The following FHL5 variants were observed in gnomAD, a reference collection of about 807,000 sequenced individuals.
FHL5 encodes the protein four and a half LIM domains protein 5.
In FHL5, 33 loss-of-function variants were observed where a neutral mutation model predicts 32.0. That is an observed-to-expected ratio of 1.03 (90% confidence interval 0.78 to 1.38). The LOEUF is 1.38. FHL5 is among the 40% of genes most tolerant of loss of function. FHL5 has a pLI of 0.00. For missense variants in FHL5, 336 were observed against 343.9 expected, an observed-to-expected ratio of 0.98 and a Z score of 0.18; for synonymous variants, 114 against 113.6, an observed-to-expected ratio of 1.00 and a Z score of -0.02.
At chr6:96,586,964 C>G (rs1263738432) in intron 1 of FHL5, among the ~76,000 whole-genome samples, 1 of 152,104 alleles carries the variant, frequency 6.6e-6, no homozygotes, top group Non-Finnish European at 1.5e-5. Flanking sequence ...TTTGCCAGTC[C>G]GATCCTGAAG....
rs1262523221 is a variant in FHL5, at chr6:96,616,914, TC to T, written c.*1147del. Among the ~76,000 whole-genome samples, 2 of 123,088 alleles carry T rather than the reference TC, an allele frequency of 1.6e-5. No homozygotes were observed. Among genetic ancestry groups the T allele is most frequent in the South Asian group, 5.1e-4 (2 of 3,898 alleles). 80.8% of individuals were successfully genotyped at this position (123,088 alleles called of 152,430 possible). On this transcript the variant is annotated 3_prime_UTR_variant, in exon 6 of 6. Coordinates refer to ENST00000450218, the MANE Select transcript of FHL5 (RefSeq NM_001322466.2). ...GCTGTAGGCGAGCCCTCCCCACTCTTCCCCCACACCTGTGCCACACCCCCCT... is the reference window on the plus strand; with the variant it reads ...GCTGTAGGCGAGCCCTCCCCACTCTTCCCCACACCTGTGCCACACCCCCCT...
At chr6:96,593,631 T>C (rs1046783016) in intron 1 of FHL5, among the ~76,000 whole-genome samples, 1 of 152,186 alleles carries the variant, frequency 6.6e-6, no homozygotes, top group Non-Finnish European at 1.5e-5. Context: ...GGAAGGTCCA[T>C]TGACCTCAAT....
At chr6:96,601,079 T>C (rs1485565888) in intron 1 of FHL5, among the ~76,000 whole-genome samples, 5 of 152,332 alleles carry the variant, frequency 3.3e-5, no homozygotes, top group African/African-American at 9.6e-5. Flanking sequence ...CTCACGCCTG[T>C]AATCCCAGCA....
chr6:96,615,427 T>C (rs1338117980), intron 5 of FHL5, among the ~76,000 whole-genome samples, 182 bp from the exon 6 acceptor site: 1 of 152,192 alleles, frequency 6.6e-6, no homozygotes, highest in Admixed American at 6.5e-5. Context: ...TAGGTGTAAC[T>C]TTCCTACAGT....
rs1771542973 is a variant in FHL5 at position 96,617,291 on chromosome 6, A to G, written c.*1519A>G. Among the ~76,000 whole-genome samples, 1 of 152,228 alleles carries G rather than the reference A, an allele frequency of 6.6e-6. No homozygotes were observed. Among genetic ancestry groups the G allele is most frequent in the African/African-American group, 2.4e-5 (1 of 41,458 alleles). ...ATAACTGTCTTCTCTCAGATTACACATTATAGCATTAAAGGTTTTGATTAA... is the reference window on the plus strand; with the variant it reads ...ATAACTGTCTTCTCTCAGATTACACGTTATAGCATTAAAGGTTTTGATTAA... On this transcript the variant is annotated 3_prime_UTR_variant, in exon 6 of 6. Coordinates refer to ENST00000450218, the MANE Select transcript of FHL5 (RefSeq NM_001322466.2).
At chr6:96,566,662 T>A (rs924682426) in intron 1 of FHL5, among the ~76,000 whole-genome samples, 2 of 152,068 alleles carry the variant, frequency 1.3e-5, no homozygotes, top group Non-Finnish European at 1.5e-5. Flanking sequence ...TGTCAGCATT[T>A]TTTTTTTGTC....
At chr6:96,597,752 C>A (rs988591040) in intron 1 of FHL5, among the ~76,000 whole-genome samples, 5 of 152,146 alleles carry the variant, frequency 3.3e-5, no homozygotes, top group African/African-American at 1.2e-4. Context: ...TGTCACTGCC[C>A]TTCCCAGTTC....
At chr6:96,603,545 T>C in intron 1 of FHL5, 57 bp from the exon 2 acceptor site, 1 of 1,280,504 alleles carries the variant, frequency 7.8e-7, no homozygotes, top group Non-Finnish European at 1.1e-6. Context: ...GGTTTCATCA[T>C]TTATCCTATA....
intron 1 of FHL5, among the ~76,000 whole-genome samples, chr6:96,567,084 T>C (rs1770374143): frequency 6.6e-6 from 1 of 152,036 alleles, no homozygotes; most frequent in Admixed American, 6.6e-5. Flanking sequence ...CTGAAGTATT[T>C]CCCCTATGTT....
At chr6:96,602,383 G>A (rs796479523) in intron 1 of FHL5, among the ~76,000 whole-genome samples, 36 of 98,148 alleles carry the variant, frequency 3.7e-4, no homozygotes, top group African/African-American at 1.3e-3. Flanking sequence ...AAGAATTCAT[G>A]TTCAATGCCT....
At chr6:96,606,721 G>A (rs780094251) in intron 4 of FHL5, among the ~76,000 whole-genome samples, 1 of 152,104 alleles carries the variant, frequency 6.6e-6, no homozygotes, top group Admixed American at 6.6e-5. Flanking sequence ...GAATACAGAT[G>A]TTTCTTAAAA....
Position 96,615,730 on chromosome 6 carries a change from C to G in FHL5, c.813C>G (p.Ile271Met). The G allele has an allele frequency of 6.2e-7, 1 of 1,611,608 alleles. No homozygotes were observed. The highest frequency in any genetic ancestry group is 1.1e-5 in the South Asian group (1 of 90,506). The change falls in exon 6 of 6, where the codon ATC becomes ATG. Residue 271 changes from isoleucine (I) to methionine (M), a missense_variant. Ile to Met is a conservative substitution (Grantham distance 10). Coordinates refer to ENST00000450218, the MANE Select transcript of FHL5 (RefSeq NM_001322466.2). ...GKGFLTQNKE[I>M]FCQKCGSGMD... ...GCTTCCTGACCCAGAACAAGGAAAT[C>G]TTCTGCCAAAAATGTGGCTCCGGAA...
chr6:96,596,141 A>C (rs985638616), intron 1 of FHL5, among the ~76,000 whole-genome samples: 6 of 152,070 alleles, frequency 3.9e-5, no homozygotes, highest in African/African-American at 1.4e-4. Flanking sequence ...GTATAAGTTC[A>C]GGCTGTAAAT....
At position 96,618,296 on chromosome 6, in the gene FHL5, C is replaced by T. The variant is rs553950673; in HGVS notation, c.*2524C>T. ...AATTCAAAGGTGACATCTGCATGGG[C>T]AGGAAAGAAGTTAAAAGCAAATCCC... On this transcript the variant is annotated 3_prime_UTR_variant, in exon 6 of 6. Transcript: ENST00000450218. Among the ~76,000 whole-genome samples the T allele has an allele frequency of 6.6e-6, 1 of 152,230 alleles. No homozygotes were observed. Among genetic ancestry groups the T allele is most frequent in the African/African-American group, 2.4e-5 (1 of 41,536 alleles).
chr6:96,590,014 G>C (rs965834151), intron 1 of FHL5, among the ~76,000 whole-genome samples: 3 of 151,856 alleles, frequency 2.0e-5, no homozygotes, highest in Non-Finnish European at 4.4e-5. Context: ...ATTCTGTTCT[G>C]GTGATCTAAG....
At chr6:96,588,762 A>G (rs1770853372) in intron 1 of FHL5, among the ~76,000 whole-genome samples, 2 of 151,904 alleles carry the variant, frequency 1.3e-5, no homozygotes, top group South Asian at 4.1e-4. Context: ...ATTCACAGGA[A>G]TGTTTTATAT....
intron 1 of FHL5, among the ~76,000 whole-genome samples, chr6:96,593,387 T>C (rs1377371466): frequency 1.3e-5 from 2 of 152,126 alleles, no homozygotes; most frequent in South Asian, 2.1e-4. Context: ...GTAGAAGTAA[T>C]TGAGGCCTAA....
rs146961173 is a variant in FHL5, at chr6:96,616,929, CCA to C, written c.*1161_*1162del. On this transcript the variant is annotated 3_prime_UTR_variant, in exon 6 of 6. Transcript: ENST00000450218. Reference sequence around the variant, plus strand: ...TCCCCACTCTTCCCCCACACCTGTGCCACACCCCCCTTACCCCAAGCCAGTTG... The same window carrying C: ...TCCCCACTCTTCCCCCACACCTGTGCCACCCCCCTTACCCCAAGCCAGTTG... Among the ~76,000 whole-genome samples, 72,158 of 151,304 alleles carry C rather than the reference CCA, an allele frequency of 0.48. 17,701 individuals are homozygous for C. The highest frequency in any genetic ancestry group is 0.6 in the African/African-American group (24,672 of 41,188).
chr6:96,573,749 C>T (rs151124243), intron 1 of FHL5, among the ~76,000 whole-genome samples: 1 of 151,802 alleles, frequency 6.6e-6, no homozygotes, highest in African/African-American at 2.4e-5. Flanking sequence ...TCTCGATCTC[C>T]TGACCTCATG....
Sources: allele counts gnomAD v4.1 joint callset (sites outside exome capture counted in the v4.1 genomes callset), GRCh38; gene constraint gnomAD v4.1.1; transcripts MANE v1.5; gene names NCBI Gene and HGNC (gene_info 2026-07-23, HGNC 2026-07-21).